ABCD2: variants seen among roughly 807,000 people sequenced by gnomAD.
ABCD2 encodes ATP binding cassette subfamily D member 2, also known as ATP-binding cassette sub-family D member 2.
Under a neutral mutation model 70.9 loss-of-function variants are expected in ABCD2, and 36 were observed. The ratio of observed to expected loss-of-function variants is 0.51; its 90% confidence interval spans 0.39 to 0.67. The LOEUF (loss-of-function observed/expected upper bound fraction) is 0.67. ABCD2 is among the 30% of genes least tolerant of loss of function. The pLI, the probability that ABCD2 is intolerant of heterozygous loss-of-function variation, is 0.00. For synonymous variants in ABCD2, 304 were observed against 306.9 expected (o/e 0.99, Z 0.10); for missense variants, 729 against 890.2 (o/e 0.82, Z 2.30).
At chr12:39,589,229 C>T (rs1591985809) in intron 6 of ABCD2, among the ~76,000 whole-genome samples, 1 of 152,110 alleles carries the variant, frequency 6.6e-6, no homozygotes, top group Middle Eastern at 3.4e-3. Context: ...GTACACAAGC[C>T]ATTAGGTTGA....
At chr12:39,564,589 C>T (rs1254722673) in intron 9 of ABCD2, among the ~76,000 whole-genome samples, 5 of 152,184 alleles carry the variant, frequency 3.3e-5, no homozygotes, top group Admixed American at 3.3e-4. Flanking sequence ...TGCCTGTTCA[C>T]TCTAATGGTA....
chr12:39,586,756 G>T (rs1941671799), intron 6 of ABCD2, among the ~76,000 whole-genome samples: 1 of 152,136 alleles, frequency 6.6e-6, no homozygotes, highest in Non-Finnish European at 1.5e-5. Context: ...ATTTGATAAA[G>T]ATTGCTTCTG....
the ABCD2 span, among the ~76,000 whole-genome samples, chr12:39,542,527 G>C: frequency 2.0e-5 from 3 of 151,906 alleles, no homozygotes; most frequent in African/African-American, 7.3e-5. Flanking sequence ...TAGTTAGAAA[G>C]CAATGGCAGT....
intron 9 of ABCD2, among the ~76,000 whole-genome samples, chr12:39,564,960 G>C (rs1299334075): frequency 6.6e-6 from 1 of 152,168 alleles, no homozygotes; most frequent in Non-Finnish European, 1.5e-5. Flanking sequence ...CATTATTTCT[G>C]AGGGCTCTGT....
intron 2 of ABCD2, among the ~76,000 whole-genome samples, chr12:39,610,481 T>G (rs565308875): frequency 4.3e-4 from 65 of 152,332 alleles, no homozygotes; most frequent in Admixed American, 3.7e-3. Context: ...ACAATTTAGA[T>G]AGCCACAAAA....
At chr12:39,603,032 A>G (rs553968453) in intron 5 of ABCD2, among the ~76,000 whole-genome samples, 1 of 152,268 alleles carries the variant, frequency 6.6e-6, no homozygotes, top group South Asian at 2.1e-4. Context: ...TGCAGCTAAA[A>G]ATACAATTTC....
At chr12:39,539,157 A>T in the ABCD2 span, among the ~76,000 whole-genome samples, 2 of 152,222 alleles carry the variant, frequency 1.3e-5, no homozygotes, top group African/African-American at 4.8e-5. Context: ...GCATTCTTCC[A>T]TTTGGTACAA....
intron 3 of ABCD2, among the ~76,000 whole-genome samples, chr12:39,605,613 C>G (rs113006855): frequency 0.014 from 2,090 of 152,048 alleles, 52 homozygotes; most frequent in African/African-American, 0.047. Context: ...GTGCCTTGTT[C>G]CTATTCTCTC....
chr12:39,613,793 C>A (rs1209235029), intron 2 of ABCD2, among the ~76,000 whole-genome samples: 1 of 152,182 alleles, frequency 6.6e-6, no homozygotes, highest in Non-Finnish European at 1.5e-5. Context: ...GTGAAAATGC[C>A]ATGTTGTATA....
chr12:39,571,534 C>T (rs1354155061), intron 9 of ABCD2, among the ~76,000 whole-genome samples: 1 of 152,106 alleles, frequency 6.6e-6, no homozygotes, highest in African/African-American at 2.4e-5. Flanking sequence ...ACACCACCTT[C>T]GATGTATAAT....
intron 9 of ABCD2, among the ~76,000 whole-genome samples, chr12:39,570,193 A>G (rs1941426664): frequency 1.3e-5 from 2 of 152,264 alleles, no homozygotes; most frequent in African/African-American, 4.8e-5. Flanking sequence ...TTCAATCCCT[A>G]TGGAAATGCC....
At chr12:39,601,816 A>G (rs907682766) in intron 5 of ABCD2, among the ~76,000 whole-genome samples, 15 of 152,176 alleles carry the variant, frequency 9.9e-5, no homozygotes, top group African/African-American at 3.4e-4. Context: ...GCTAGAAAAA[A>G]TTAATTTGTT....
intron 6 of ABCD2, among the ~76,000 whole-genome samples, chr12:39,597,197 T>A (rs1941828538): frequency 6.6e-6 from 1 of 152,138 alleles, no homozygotes; most frequent in South Asian, 2.1e-4. Context: ...TCAGCAAATA[T>A]CTATTATCAT....
At chr12:39,611,648 A>G (rs940990912) in intron 2 of ABCD2, among the ~76,000 whole-genome samples, 1 of 152,180 alleles carries the variant, frequency 6.6e-6, no homozygotes, top group Non-Finnish European at 1.5e-5. Context: ...AGTTAGGCAG[A>G]TATTTCTTAA....
chr12:39,572,335 C>T lies in ABCD2; in HGVS notation c.2003+1381G>A, dbSNP rs189415365. Reference sequence around the variant, plus strand: ...CCAAAAAGGGCTCAAGAGTACTGGCCTAGCTCTGTGTTGTCCTTGATTCAG... The same window carrying T: ...CCAAAAAGGGCTCAAGAGTACTGGCTTAGCTCTGTGTTGTCCTTGATTCAG... On this transcript the variant is annotated intron_variant, in intron 9 of 9. Transcript: ENST00000308666. 4.4e-4 allele frequency among the ~76,000 whole-genome samples: 67 copies of T among 152,232 alleles called. No individual in the cohort carries two copies. In the East Asian group the frequency reaches 0.011, roughly 26 times the overall value.
intron 6 of ABCD2, among the ~76,000 whole-genome samples, chr12:39,591,949 T>C (rs1179450427): frequency 6.6e-6 from 1 of 152,112 alleles, no homozygotes; most frequent in East Asian, 1.9e-4. Context: ...ATTACTTTTA[T>C]AAATGAGCCC....
chr12:39,538,754 C>T, the ABCD2 span, among the ~76,000 whole-genome samples: 2 of 152,170 alleles, frequency 1.3e-5, no homozygotes, highest in African/African-American at 2.4e-5. Flanking sequence ...CAACAGGGTG[C>T]GTCAGCAAGA....
the ABCD2 span, among the ~76,000 whole-genome samples, chr12:39,539,398 GC>G: frequency 2.0e-5 from 3 of 152,168 alleles, no homozygotes; most frequent in African/African-American, 7.2e-5. Flanking sequence ...TTTGGGATGG[GC>G]CCGTAAAATC....
chr12:39,534,906 AAG>A, the ABCD2 span, among the ~76,000 whole-genome samples: 2 of 87,370 alleles, frequency 2.3e-5, no homozygotes, highest in Non-Finnish European at 4.1e-5. Flanking sequence ...GAAAGAAAGA[AAG>A]AAAGAAAGAA....
Sources: gnomAD v4.1 joint callset for allele counts (sites outside exome capture counted in the v4.1 genomes callset) on GRCh38, gnomAD v4.1.1 for gene constraint, MANE v1.5 for transcripts, NCBI Gene and HGNC (gene_info 2026-07-23, HGNC 2026-07-21) for gene names.